Variants in AGBL1 observed in about 807,000 individuals in gnomAD.
AGBL1 encodes AGBL carboxypeptidase 1, also known as cytosolic carboxypeptidase 4.
AGBL1 carries 130 observed loss-of-function variants against 118.9 expected under a neutral mutation model. The observed-to-expected ratio is 1.09, with a 90% CI of 0.95 to 1.26. The LOEUF (loss-of-function observed/expected upper bound fraction) is 1.26. Ranked by LOEUF, AGBL1 falls within the 50% of genes most tolerant of loss-of-function variation. The pLI, the probability that AGBL1 is intolerant of heterozygous loss-of-function variation, is 0.00. For synonymous variants in AGBL1, 555 were observed against 478.9 expected, an observed-to-expected ratio of 1.16 and a Z score of -2.08; for missense variants, 1,584 against 1,298.1, an observed-to-expected ratio of 1.22 and a Z score of -3.38.
intron 22 of AGBL1, among the ~76,000 whole-genome samples, chr15:86,718,008 G>A (rs904773341): frequency 6.6e-6 from 1 of 152,186 alleles, no homozygotes; most frequent in African/African-American, 2.4e-5. Context: ...AACCTGGGAG[G>A]TGGAGGTTGC....
intron 22 of AGBL1, among the ~76,000 whole-genome samples, chr15:86,686,451 T>TTG (rs1395751281): frequency 1.6e-4 from 24 of 150,612 alleles, no homozygotes; most frequent in African/African-American, 5.6e-4. Context: ...AGTTTTTTTT[T>TTG]TTTTTTTTTT....
chr15:86,336,602 G>A (rs998229112), intron 17 of AGBL1, among the ~76,000 whole-genome samples: 1 of 152,144 alleles, frequency 6.6e-6, no homozygotes, highest in Non-Finnish European at 1.5e-5. Flanking sequence ...GAGGGGTGAG[G>A]GGTGTTTCAT....
chr15:86,430,035 T>C (rs2081915995), intron 18 of AGBL1, among the ~76,000 whole-genome samples: 1 of 152,214 alleles, frequency 6.6e-6, no homozygotes, highest in African/African-American at 2.4e-5. Context: ...AGCCAATCTT[T>C]GAATTTCGAA....
At chr15:86,435,202 T>G (rs2081987207) in intron 18 of AGBL1, among the ~76,000 whole-genome samples, 2 of 152,216 alleles carry the variant, frequency 1.3e-5, no homozygotes, top group African/African-American at 2.4e-5. Context: ...AGTCCCACAT[T>G]AAAATATGTG....
At position 86,910,168 on chromosome 15, in the gene AGBL1, G is replaced by A. The variant is rs544516795; in HGVS notation, c.*2874G>A. The A allele has an allele frequency of 6.6e-6, 1 of 152,232 alleles. No homozygotes were observed. The highest frequency in any genetic ancestry group is 1.5e-5 in the Non-Finnish European group (1 of 68,050). The allele number at this position is 152,232 out of a possible 1,614,324, so 9.4% of individuals were successfully genotyped here. A position where few individuals can be genotyped will look rare whatever the true frequency, so the allele number is the denominator to read the frequency against. On this transcript the variant is annotated 3_prime_UTR_variant, in exon 23 of 23. Transcript: ENST00000614907. ...CAGTTGTGGTAAAAGTCTACCAAAA[G>A]AAGGTCATAATTTGGGTGATTCTTG...
At chr15:86,159,884 C>A (rs1318570912) in intron 5 of AGBL1, among the ~76,000 whole-genome samples, 2 of 152,036 alleles carry the variant, frequency 1.3e-5, no homozygotes, top group South Asian at 2.1e-4. Flanking sequence ...ATCATCCATT[C>A]TCACCTGCAG....
intron 17 of AGBL1, among the ~76,000 whole-genome samples, chr15:86,396,106 T>C (rs1297265120): frequency 1.4e-5 from 2 of 148,094 alleles, no homozygotes; most frequent in Non-Finnish European, 3.0e-5. Flanking sequence ...ATTGTATCTA[T>C]GTGTGTGTGT....
intron 1 of AGBL1, among the ~76,000 whole-genome samples, chr15:86,081,661 G>A (rs1384301674): frequency 2.0e-5 from 3 of 152,166 alleles, no homozygotes; most frequent in Admixed American, 6.5e-5. Context: ...TAATAACCAG[G>A]TACAATAAGC....
chr15:86,126,395 T>G (rs887541688), intron 1 of AGBL1, among the ~76,000 whole-genome samples: 5 of 152,214 alleles, frequency 3.3e-5, no homozygotes, highest in Non-Finnish European at 5.9e-5. Flanking sequence ...CTGAAGCAGG[T>G]GCAGTGTCCT....
intron 23 of AGBL1, among the ~76,000 whole-genome samples, chr15:86,930,417 A>G (rs2141634327): frequency 6.6e-6 from 1 of 152,278 alleles, no homozygotes; most frequent in African/African-American, 2.4e-5. Context: ...GTTGCCAGTG[A>G]TAAGAGGAGG....
chr15:86,905,991 G>C (rs958601672), intron 22 of AGBL1, among the ~76,000 whole-genome samples: 1 of 152,222 alleles, frequency 6.6e-6, no homozygotes, highest in Non-Finnish European at 1.5e-5. Flanking sequence ...GCAGCCTGGA[G>C]AGCACAGAAG....
In AGBL1 at chr15:86,422,120, C is replaced by T. The variant is rs146518208; in HGVS notation, c.2555+24574C>T. On this transcript the variant is annotated intron_variant, in intron 18 of 22. Transcript: ENST00000614907. The stretch of plus-strand genomic sequence containing the variant: ...ACCTAATAGACATCTACAGAACTCT[C>T]GACCTCAAATCAACAGAATATACAT... Among the ~76,000 whole-genome samples, 485 of 152,286 alleles carry T rather than the reference C, an allele frequency of 3.2e-3. 1 individual carries two copies. Among genetic ancestry groups the T allele is most frequent in the African/African-American group, 0.011 (455 of 41,556 alleles).
At chr15:86,669,390 A>T (rs940897507) in intron 21 of AGBL1, among the ~76,000 whole-genome samples, 1 of 152,206 alleles carries the variant, frequency 6.6e-6, no homozygotes, top group Non-Finnish European at 1.5e-5. Context: ...AAAGAAATAG[A>T]AAATAAGAAA....
intron 1 of AGBL1, among the ~76,000 whole-genome samples, chr15:86,125,987 A>G (rs748499780): frequency 7.2e-5 from 11 of 152,114 alleles, no homozygotes; most frequent in Non-Finnish European, 5.9e-5. Context: ...TTTATGACCT[A>G]TGAAAATTGT....
intron 5 of AGBL1, among the ~76,000 whole-genome samples, chr15:86,211,580 A>T (rs6496312): frequency 1.3e-5 from 2 of 152,020 alleles, no homozygotes; most frequent in East Asian, 1.9e-4. Context: ...CTGCTACCTC[A>T]CAGGTCGATC....
At chr15:86,734,649 T>C (rs1183611813) in intron 22 of AGBL1, among the ~76,000 whole-genome samples, 6 of 152,084 alleles carry the variant, frequency 3.9e-5, no homozygotes, top group Non-Finnish European at 8.8e-5. Flanking sequence ...CACTGGTGGT[T>C]CCTATACTTC....
chr15:86,411,509 C>T (rs190230506), intron 18 of AGBL1, among the ~76,000 whole-genome samples: 3 of 152,306 alleles, frequency 2.0e-5, no homozygotes, highest in Non-Finnish European at 2.9e-5. Context: ...CCGCGATTTA[C>T]AGGTTGTCTT....
chr15:86,457,382 T>C (rs1292387344), intron 18 of AGBL1, among the ~76,000 whole-genome samples: 1 of 152,184 alleles, frequency 6.6e-6, no homozygotes, highest in Admixed American at 6.5e-5. Context: ...AACAGGTTCG[T>C]CGCAGCCTCT....
chr15:86,503,988 T>A (rs1034536280), intron 18 of AGBL1, among the ~76,000 whole-genome samples: 1 of 151,644 alleles, frequency 6.6e-6, no homozygotes, highest in African/African-American at 2.4e-5. Flanking sequence ...TGATTCTGTG[T>A]CTAGTTGTTC....
Sources: allele counts gnomAD v4.1 joint callset (sites outside exome capture counted in the v4.1 genomes callset), GRCh38; gene constraint gnomAD v4.1.1; transcripts MANE v1.5; gene names NCBI Gene and HGNC (gene_info 2026-07-23, HGNC 2026-07-21).